CFAP46: variants seen among roughly 807,000 people sequenced by gnomAD.
CFAP46 encodes the protein cilia- and flagella-associated protein 46.
A neutral mutation model predicts 325.7 loss-of-function variants in CFAP46; 245 were observed. The ratio of observed to expected loss-of-function variants is 0.75; its 90% CI spans 0.68 to 0.84. CFAP46 has a LOEUF of 0.84. Among genes scored for constraint, CFAP46 ranks in the 40% least tolerant of loss-of-function variants. The pLI, the probability that CFAP46 is intolerant of heterozygous loss-of-function variation, is 0.00. For synonymous variants in CFAP46, 1,523 were observed against 1,495.9 expected, an observed-to-expected ratio of 1.02 and a Z score of -0.42; for missense variants, 3,346 against 3,543.0, an observed-to-expected ratio of 0.94 and a Z score of 1.41.
chr10:132,883,005 C>T (rs1564788974), intron 27 of CFAP46, among the ~76,000 whole-genome samples: 2 of 152,162 alleles, frequency 1.3e-5, no homozygotes, highest in Non-Finnish European at 2.9e-5. Flanking sequence ...ATAACAGCTA[C>T]AACCATAAAA....
At position 132,918,979 on chromosome 10, in the gene CFAP46, C is replaced by T. The variant is rs57367637; in HGVS notation, c.1858+336G>A. Reference sequence around the variant, plus strand: ...CCTGCCCCACCCATGTCCCGCTCCACGCTGGGCCTGTGGCCACTGCCCTCT... The same window carrying T: ...CCTGCCCCACCCATGTCCCGCTCCATGCTGGGCCTGTGGCCACTGCCCTCT... On this transcript the variant is annotated intron_variant, in intron 15 of 57. Coordinates refer to ENST00000368586, the MANE Select transcript of CFAP46 (RefSeq NM_001200049.3). Among the ~76,000 whole-genome samples, 1,215 of 152,322 alleles carry T rather than the reference C, an allele frequency of 8.0e-3. 11 individuals are homozygous for T. Among genetic ancestry groups the T allele is most frequent in the African/African-American group, 0.028 (1,148 of 41,570 alleles).
At chr10:132,897,861 A>T (rs1591079027) in intron 24 of CFAP46, among the ~76,000 whole-genome samples, 1 of 152,196 alleles carries the variant, frequency 6.6e-6, no homozygotes, top group Non-Finnish European at 1.5e-5. Flanking sequence ...GGTGGGCTGG[A>T]CAGCCCAGAG....
rs1384872307 is a variant in CFAP46 at position 132,835,462 on chromosome 10, C to T, written c.6614-28G>A. The T allele has an allele frequency of 6.2e-6, 10 of 1,612,478 alleles. No individual in the cohort carries two copies. In the South Asian group the frequency reaches 6.6e-5, roughly 11 times the overall value. On this transcript the variant is annotated intron_variant, in intron 46 of 57. Coordinates refer to ENST00000368586, the MANE Select transcript of CFAP46 (RefSeq NM_001200049.3). ...GTGGGGACATGGACACACCCTCTGT[C>T]GCTGCCCAGGGCTGAGGATGGCAGC...
chr10:132,883,546 G>A (rs577968111), intron 27 of CFAP46, among the ~76,000 whole-genome samples: 3 of 152,368 alleles, frequency 2.0e-5, no homozygotes, highest in South Asian at 4.1e-4. Flanking sequence ...GCCGCTGTGG[G>A]AGACAATCTG....
chr10:132,878,966 T>G (rs1591067943), intron 29 of CFAP46, among the ~76,000 whole-genome samples: 1 of 150,588 alleles, frequency 6.6e-6, no homozygotes. Flanking sequence ...AGGAGGGGGG[T>G]GGGAGTGGGA....
At chr10:132,934,724 G>A (rs754750764) in intron 8 of CFAP46, 28 bp downstream of exon 8, 1 of 1,361,794 alleles carries the variant, frequency 7.3e-7, no homozygotes, top group Non-Finnish European at 1.0e-6. Context: ...TTATGAAGAT[G>A]TGATATTGGA....
intron 46 of CFAP46, 21 bp downstream of exon 46, chr10:132,836,121 C>G: frequency 1.3e-6 from 2 of 1,593,172 alleles, no homozygotes; most frequent in Admixed American, 1.7e-5. Context: ...CCCCCTCCCC[C>G]TCCCCTGCAG....
In CFAP46 at chr10:132,885,766, GGGGAGCACTCAGGCGGTGGA is replaced by G. The variant is rs750415179; in HGVS notation, c.3443+35_3443+54del. The G allele has an allele frequency of 0.026, 38,422 of 1,460,228 alleles. 3,214 individuals carry two copies. In the African/African-American group the frequency reaches 0.28, roughly 11 times the overall value. 90.5% of individuals were successfully genotyped at this position (1,460,228 alleles called of 1,614,324 possible). Reference sequence around the variant, plus strand: ...TGTGGGGAGCACTCACAGGCGGTGGGGGGAGCACTCAGGCGGTGGAGGGAGCACTCACAGGCGGTGGGGGG... The same window carrying G: ...TGTGGGGAGCACTCACAGGCGGTGGGGGGAGCACTCACAGGCGGTGGGGGG... On this transcript the variant is annotated intron_variant, in intron 26 of 57. Coordinates refer to ENST00000368586, the MANE Select transcript of CFAP46 (RefSeq NM_001200049.3).
At chr10:132,858,270 T>A (rs112504621) in intron 38 of CFAP46, among the ~76,000 whole-genome samples, 6 of 105,798 alleles carry the variant, frequency 5.7e-5, no homozygotes, top group Admixed American at 2.0e-4. Flanking sequence ...CCAGGGAGGC[T>A]TTGCTGGGGG....
intron 37 of CFAP46, 119 bp from the exon 38 acceptor site, chr10:132,859,366 C>T (rs1308213187): frequency 1.9e-5 from 15 of 806,724 alleles, no homozygotes; most frequent in Non-Finnish European, 2.5e-5. Context: ...GAAACGCTTT[C>T]GGAGCATTTC....
intron 50 of CFAP46, among the ~76,000 whole-genome samples, chr10:132,830,503 C>T (rs898651041): frequency 2.0e-5 from 3 of 152,330 alleles, no homozygotes; most frequent in Non-Finnish European, 4.4e-5. Context: ...TAGATACAGG[C>T]ATATCCAGGT....
At position 132,876,051 on chromosome 10, in the gene CFAP46, A is replaced by G. The variant is rs1848953351; in HGVS notation, c.4362+761T>C. ...CAGAAAGCTTAATTAAATATGGGCG[A>G]CAGCCTGGAGGGCACATCACAAAAG... is the stretch of plus-strand genomic sequence containing the variant. On this transcript the variant is annotated intron_variant, in intron 31 of 57. Coordinates refer to ENST00000368586, the MANE Select transcript of CFAP46 (RefSeq NM_001200049.3). The surrounding 1 kb of genome is among the most constrained non-coding windows in gnomAD (Gnocchi z 4.1). Among the ~76,000 whole-genome samples, 1 of 152,264 alleles carries G rather than the reference A, an allele frequency of 6.6e-6. No individual in the cohort carries two copies. The highest frequency in any genetic ancestry group is 2.1e-4 in the South Asian group (1 of 4,834).
intron 50 of CFAP46, among the ~76,000 whole-genome samples, chr10:132,831,572 A>C (rs778969752): frequency 1.3e-5 from 2 of 152,128 alleles, no homozygotes; most frequent in African/African-American, 2.4e-5. Context: ...CCTTCTTTGG[A>C]TACTAAGAGA....
chr10:132,903,374 C>T (rs1564795422), intron 22 of CFAP46, among the ~76,000 whole-genome samples: 1 of 152,206 alleles, frequency 6.6e-6, no homozygotes, highest in Non-Finnish European at 1.5e-5. Flanking sequence ...ACCCCACCTG[C>T]CGCGTCACAT....
chr10:132,907,217 T>C (rs976103890), intron 22 of CFAP46, among the ~76,000 whole-genome samples: 1 of 152,270 alleles, frequency 6.6e-6, no homozygotes, highest in Non-Finnish European at 1.5e-5. Context: ...CGGTTTCATC[T>C]TCCAGGATTA....
chr10:132,831,636 G>T (rs1302082457), intron 50 of CFAP46, among the ~76,000 whole-genome samples: 2 of 152,054 alleles, frequency 1.3e-5, no homozygotes, highest in Admixed American at 1.3e-4. Flanking sequence ...TATTTAAAGT[G>T]GGTTTCTTGG....
At position 132,919,260 on chromosome 10, in the gene CFAP46, AC is replaced by A; in HGVS notation, c.1858+54del. ...TTGCACGAACCACAACCCTTCCCAC[AC>A]CCAGAGGGCGGCCGTGGCCAGGCTG... On this transcript the variant is annotated intron_variant, in intron 15 of 57. Transcript: ENST00000368586. This position sits in a 1 kb window ranked among gnomAD's most constrained non-coding sequence, Gnocchi z 9.7. The A allele has an allele frequency of 6.6e-7, 1 of 1,511,026 alleles. No individual in the cohort carries two copies. 93.6% of individuals were successfully genotyped at this position (1,511,026 alleles called of 1,614,324 possible). A position where few individuals can be genotyped will look rare whatever the true frequency, so the allele number is the denominator to read the frequency against.
intron 55 of CFAP46, among the ~76,000 whole-genome samples, 166 bp from the exon 56 acceptor site, chr10:132,811,197 C>A (rs1352015424): frequency 6.6e-6 from 1 of 152,214 alleles, no homozygotes; most frequent in Non-Finnish European, 1.5e-5. Context: ...TCCAGGGACC[C>A]CCTGGCCACA....
intron 16 of CFAP46, among the ~76,000 whole-genome samples, 170 bp from the exon 17 acceptor site, chr10:132,916,852 A>G (rs1389429397): frequency 6.6e-6 from 1 of 152,176 alleles, no homozygotes; most frequent in African/African-American, 2.4e-5. Flanking sequence ...TAGCCACTCC[A>G]GGGACTAAAG....
Sources: gnomAD v4.1 joint callset for allele counts (sites outside exome capture counted in the v4.1 genomes callset) on GRCh38, gnomAD v4.1.1 for gene constraint, Gnocchi (gnomAD v3.1) non-coding constraint, MANE v1.5 for transcripts, NCBI Gene and HGNC (gene_info 2026-07-23, HGNC 2026-07-21) for gene names.